Variants in PLAC8 observed in about 807,000 individuals in gnomAD.
PLAC8 encodes the protein placenta-specific gene 8 protein.
Under a neutral mutation model 12.6 loss-of-function variants are expected in PLAC8, and 6 were observed. That is an observed-to-expected ratio of 0.48 (90% CI 0.26 to 0.94). PLAC8 has a LOEUF of 0.94. Ranked by LOEUF, PLAC8 falls within the 40% of genes least tolerant of loss-of-function variation. The pLI is 0.14. For missense variants in PLAC8, 122 were observed against 152.7 expected, an observed-to-expected ratio of 0.80 and a Z score of 1.06; for synonymous variants, 54 against 52.6, an observed-to-expected ratio of 1.03 and a Z score of -0.11.
chr4:83,110,550 C>T lies in PLAC8; in HGVS notation c.-29-2600G>A, dbSNP rs548465703. Among the ~76,000 whole-genome samples, 16 of 152,320 alleles carry T rather than the reference C, an allele frequency of 1.1e-4. No homozygotes were observed. In the South Asian group the frequency reaches 3.3e-3, roughly 32 times the overall value. ...GGTGTCTCAAAACCTTAGCTCGGGA[C>T]CTGGTACACAGGAGGAGCTCACTAG... On this transcript the variant is annotated intron_variant, in intron 1 of 4. Transcript: ENST00000311507.
chr4:83,114,475 G>A (rs1732487668), intron 1 of PLAC8, among the ~76,000 whole-genome samples, 191 bp downstream of exon 1: 1 of 152,102 alleles, frequency 6.6e-6, no homozygotes, highest in African/African-American at 2.4e-5. Flanking sequence ...AAAATGCTTA[G>A]CAAGAAATTG....
At chr4:83,103,731 C>A (rs1211149839) in intron 3 of PLAC8, among the ~76,000 whole-genome samples, 1 of 152,084 alleles carries the variant, frequency 6.6e-6, no homozygotes, top group Admixed American at 6.5e-5. Context: ...AGTGCTGAGG[C>A]GCAATCTGGG....
intron 3 of PLAC8, among the ~76,000 whole-genome samples, chr4:83,095,987 T>C (rs1286785513): frequency 1.3e-5 from 2 of 152,180 alleles, no homozygotes; most frequent in East Asian, 3.8e-4. Flanking sequence ...GCACTGATCT[T>C]AGTAACAGTT....
rs1444679851 is a variant in PLAC8 at position 83,109,621 on chromosome 4, G to C, written c.-29-1671C>G. The C allele has an allele frequency of 1.3e-5, 2 of 152,030 alleles. 1 individual carries two copies. Among genetic ancestry groups the C allele is most frequent in the South Asian group, 4.1e-4 (2 of 4,824 alleles). 9.4% of individuals were successfully genotyped at this position (152,030 alleles called of 1,614,324 possible). ...CCGCTGCCTTCGGGCCTCTTCCAGG[G>C]AGGAGGATCGAGGAGGCGGAGAGCC... On this transcript the variant is annotated intron_variant, in intron 1 of 4. Coordinates refer to ENST00000311507, the MANE Select transcript of PLAC8 (RefSeq NM_016619.3).
intron 3 of PLAC8, among the ~76,000 whole-genome samples, chr4:83,098,579 T>C (rs1019856757): frequency 3.3e-5 from 5 of 152,194 alleles, no homozygotes; most frequent in South Asian, 2.1e-4. Context: ...ATGATTTTTA[T>C]GTAATGTTAA....
chr4:83,098,763 AT>A (rs1732010853), intron 3 of PLAC8, among the ~76,000 whole-genome samples: 1 of 150,360 alleles, frequency 6.7e-6, no homozygotes, highest in Non-Finnish European at 1.5e-5. Context: ...TTTTTGAGTT[AT>A]TTTTGCCAAA....
intron 3 of PLAC8, among the ~76,000 whole-genome samples, chr4:83,100,213 G>A (rs1185925279): frequency 1.3e-5 from 2 of 149,214 alleles, no homozygotes; most frequent in South Asian, 2.1e-4. Context: ...CCCAGGAGGT[G>A]GAGCTTGCAG....
chr4:83,108,077 T>A (rs1441169346), intron 1 of PLAC8, 127 bp from the exon 2 acceptor site: 3 of 225,150 alleles, frequency 1.3e-5, no homozygotes, highest in Non-Finnish European at 2.9e-5. Context: ...ATGGCACATG[T>A]ATACATATGT....
At chr4:83,113,859 A>G (rs1560458829) in intron 1 of PLAC8, among the ~76,000 whole-genome samples, 4 of 152,090 alleles carry the variant, frequency 2.6e-5, no homozygotes. Context: ...AATTTTATCT[A>G]TTAGTTAAGA....
intron 1 of PLAC8, among the ~76,000 whole-genome samples, chr4:83,110,744 T>TA (rs1449870116): frequency 6.6e-6 from 1 of 152,246 alleles, no homozygotes; most frequent in Non-Finnish European, 1.5e-5. Flanking sequence ...AGATCTTCCC[T>TA]AAATCCCAAC....
intron 1 of PLAC8, among the ~76,000 whole-genome samples, chr4:83,112,208 A>G (rs1732440564): frequency 6.2e-4 from 4 of 6,488 alleles, no homozygotes; most frequent in African/African-American, 8.6e-4. Context: ...ATATATGTAT[A>G]TATATATATG....
At chr4:83,099,236 C>A (rs891634032) in intron 3 of PLAC8, among the ~76,000 whole-genome samples, 1 of 147,260 alleles carries the variant, frequency 6.8e-6, no homozygotes, top group Admixed American at 6.8e-5. Flanking sequence ...TCAGCTATAA[C>A]TTTTTTTTTT....
intron 4 of PLAC8, 197 bp downstream of exon 4, chr4:83,094,481 A>G: frequency 2.2e-6 from 1 of 447,744 alleles, no homozygotes; most frequent in South Asian, 3.2e-5. Flanking sequence ...TTTATTTACT[A>G]AAATATGGTT....
chr4:83,108,176 C>CT (rs1029436596), intron 1 of PLAC8, among the ~76,000 whole-genome samples: 10 of 151,624 alleles, frequency 6.6e-5, no homozygotes, highest in African/African-American at 2.4e-4. Flanking sequence ...CGAGGTTGCT[C>CT]TTTAAAGGCC....
intron 4 of PLAC8, among the ~76,000 whole-genome samples, chr4:83,091,960 A>T (rs1731817125): frequency 6.6e-6 from 1 of 152,208 alleles, no homozygotes; most frequent in South Asian, 2.1e-4. Flanking sequence ...AGTTTGGACT[A>T]TGGGGAGCTT....
chr4:83,098,665 A>G (rs373782312), intron 3 of PLAC8, among the ~76,000 whole-genome samples: 1 of 152,168 alleles, frequency 6.6e-6, no homozygotes, highest in Non-Finnish European at 1.5e-5. Flanking sequence ...GAAGAGACAG[A>G]TTCAGCTGGC....
intron 1 of PLAC8, among the ~76,000 whole-genome samples, chr4:83,109,559 C>T (rs1732353091): frequency 6.6e-6 from 1 of 152,188 alleles, no homozygotes; most frequent in Non-Finnish European, 1.5e-5. Flanking sequence ...GGGGCAGAGC[C>T]GTCGGGTGAC....
chr4:83,096,186 A>C (rs1032205774), intron 3 of PLAC8, among the ~76,000 whole-genome samples: 7 of 152,222 alleles, frequency 4.6e-5, no homozygotes, highest in African/African-American at 1.7e-4. Flanking sequence ...GGTTCAGCCT[A>C]CACCCAGGAA....
chr4:83,111,028 C>A (rs1351857726), intron 1 of PLAC8, among the ~76,000 whole-genome samples: 1 of 152,084 alleles, frequency 6.6e-6, no homozygotes, highest in Non-Finnish European at 1.5e-5. Context: ...ATGAATGGCA[C>A]GATCATAATT....
Sources: allele counts gnomAD v4.1 joint callset (sites outside exome capture counted in the v4.1 genomes callset), GRCh38; gene constraint gnomAD v4.1.1; transcripts MANE v1.5; gene names NCBI Gene and HGNC (gene_info 2026-07-23, HGNC 2026-07-21).